Variants in NRXN3 observed in about 807,000 individuals in gnomAD.
The protein encoded by NRXN3 is neurexin III.
A neutral mutation model predicts 137.6 loss-of-function variants in NRXN3; 32 were observed. That is an observed-to-expected ratio of 0.23 (90% CI 0.18 to 0.31). NRXN3 has a LOEUF of 0.31. Ranked by LOEUF, NRXN3 falls within the 10% of genes least tolerant of loss-of-function variation. The pLI, the probability that NRXN3 is intolerant of heterozygous loss-of-function variation, is 1.00. For missense variants in NRXN3, 1,574 were observed against 2,062.5 expected (o/e 0.76, Z 4.59); for synonymous variants, 798 against 784.5 (o/e 1.02, Z -0.29).
At chr14:78,204,262 T>TG (rs1229727315) in intron 1 of NRXN3, among the ~76,000 whole-genome samples, 1 of 152,070 alleles carries the variant, frequency 6.6e-6, no homozygotes, top group African/African-American at 2.4e-5. Context: ...GACATTTTTT[T>TG]TTTTGTTTTA....
intron 4 of NRXN3, among the ~76,000 whole-genome samples, chr14:78,574,798 A>G (rs1187866377): frequency 6.6e-6 from 1 of 152,218 alleles, no homozygotes; most frequent in Non-Finnish European, 1.5e-5. Context: ...GACTGTGGGA[A>G]GGGCATGACT....
chr14:79,204,975 G>A (rs946614651), intron 15 of NRXN3, among the ~76,000 whole-genome samples: 1 of 152,140 alleles, frequency 6.6e-6, no homozygotes, highest in African/African-American at 2.4e-5. Context: ...TCCCTCTAAA[G>A]AGCATTACCA....
intron 10 of NRXN3, among the ~76,000 whole-genome samples, chr14:78,833,679 T>C (rs1465854490): frequency 6.6e-6 from 1 of 152,182 alleles, no homozygotes; most frequent in African/African-American, 2.4e-5. Flanking sequence ...GGAAATTGTT[T>C]CTGGTGGTTA....
chr14:78,436,987 C>CT, intron 4 of NRXN3, among the ~76,000 whole-genome samples: 1 of 152,322 alleles, frequency 6.6e-6, no homozygotes, highest in East Asian at 1.9e-4. Flanking sequence ...CCCAGCTCTG[C>CT]TATTTGTTAG....
chr14:78,532,745 T>C (rs2096485830), intron 4 of NRXN3, among the ~76,000 whole-genome samples: 1 of 152,136 alleles, frequency 6.6e-6, no homozygotes, highest in Non-Finnish European at 1.5e-5. Context: ...TTCTTCTTTT[T>C]TTTTTCCTTC....
At chr14:79,058,076 T>C (rs896328463) in intron 15 of NRXN3, among the ~76,000 whole-genome samples, 2 of 152,104 alleles carry the variant, frequency 1.3e-5, no homozygotes, top group Non-Finnish European at 2.9e-5. Context: ...AGGGAGCTTA[T>C]GCCTGATGCC....
chr14:78,363,485 G>A (rs979018298), intron 4 of NRXN3, among the ~76,000 whole-genome samples: 4 of 152,182 alleles, frequency 2.6e-5, no homozygotes, highest in Non-Finnish European at 4.4e-5. Flanking sequence ...ATGACACAAA[G>A]TAGCTATTAT....
chr14:78,322,751 G>A (rs765347935), intron 4 of NRXN3, among the ~76,000 whole-genome samples: 1 of 151,852 alleles, frequency 6.6e-6, no homozygotes, highest in South Asian at 2.1e-4. Flanking sequence ...CCCAGGTGCC[G>A]TCTTATCTCT....
chr14:79,739,648 CAAAAAAAAA>C (rs72347811), intron 19 of NRXN3, among the ~76,000 whole-genome samples: 9 of 31,824 alleles, frequency 2.8e-4, no homozygotes, highest in South Asian at 5.2e-3. Flanking sequence ...GACTCTGCCT[CAAAAAAAAA>C]AAAAAAAAAA....
intron 4 of NRXN3, among the ~76,000 whole-genome samples, chr14:78,494,419 G>GTTTTTT (rs1567751409): frequency 2.9e-5 from 3 of 102,012 alleles, no homozygotes; most frequent in Non-Finnish European, 6.9e-5. Context: ...CCTACCAGAG[G>GTTTTTT]TGTTTTGTTT....
At chr14:78,941,300 A>G (rs996956306) in intron 10 of NRXN3, among the ~76,000 whole-genome samples, 3 of 152,156 alleles carry the variant, frequency 2.0e-5, no homozygotes, top group African/African-American at 7.2e-5. Context: ...CCCAGTCAAT[A>G]TAAGCTCACT....
intron 17 of NRXN3, among the ~76,000 whole-genome samples, chr14:79,686,066 G>A (rs978305153): frequency 2.0e-5 from 3 of 151,942 alleles, no homozygotes; most frequent in Non-Finnish European, 2.9e-5. Context: ...GGTCGAGGCG[G>A]GTGGATCACG....
chr14:78,872,224 T>C (rs1040348240), intron 10 of NRXN3, among the ~76,000 whole-genome samples: 1 of 148,242 alleles, frequency 6.7e-6, no homozygotes, highest in East Asian at 2.0e-4. Flanking sequence ...AAATCTTTGC[T>C]AATAAATATG....
chr14:79,719,990 A>G (rs1214361280), intron 19 of NRXN3, among the ~76,000 whole-genome samples: 1 of 152,098 alleles, frequency 6.6e-6, no homozygotes, highest in Non-Finnish European at 1.5e-5. Context: ...TGGAAAAGTA[A>G]TAATCCCTCA....
chr14:79,585,164 G>C (rs949067429), intron 16 of NRXN3, among the ~76,000 whole-genome samples: 5 of 152,186 alleles, frequency 3.3e-5, no homozygotes, highest in African/African-American at 7.2e-5. Flanking sequence ...GCTGCCCAAA[G>C]ATGTTGGGTT....
chr14:79,809,686 A>G (rs1408967697), intron 20 of NRXN3, among the ~76,000 whole-genome samples: 2 of 152,208 alleles, frequency 1.3e-5, no homozygotes, highest in Non-Finnish European at 2.9e-5. Flanking sequence ...CGATTTGTAA[A>G]TGTTAATTGT....
At chr14:78,738,778 G>C (rs1182271363) in intron 8 of NRXN3, among the ~76,000 whole-genome samples, 1 of 152,008 alleles carries the variant, frequency 6.6e-6, no homozygotes, top group African/African-American at 2.4e-5. Flanking sequence ...TGAGGGGTGG[G>C]GGGGTGCTTT....
intron 15 of NRXN3, among the ~76,000 whole-genome samples, chr14:79,321,503 C>G (rs1490198357): frequency 6.6e-6 from 1 of 152,032 alleles, no homozygotes; most frequent in Non-Finnish European, 1.5e-5. Context: ...TAAGGACATT[C>G]TATTTTTCAT....
intron 15 of NRXN3, among the ~76,000 whole-genome samples, chr14:79,287,935 TTCA>T (rs1375045406): frequency 1.3e-5 from 2 of 152,328 alleles, no homozygotes; most frequent in Non-Finnish European, 2.9e-5. Context: ...TTTTCATATC[TTCA>T]TCATTTGTAC....
Sources: gnomAD v4.1 joint callset for allele counts (sites outside exome capture counted in the v4.1 genomes callset) on GRCh38, gnomAD v4.1.1 for gene constraint, MANE v1.5 for transcripts, NCBI Gene and HGNC (gene_info 2026-07-23, HGNC 2026-07-21) for gene names.